SACM1L: variants seen among roughly 807,000 people sequenced by gnomAD.
SACM1L encodes phosphatidylinositol-3-phosphatase SAC1.
SACM1L carries 32 observed loss-of-function variants against 89.5 expected under a neutral mutation model. That is an observed-to-expected ratio of 0.36 (90% CI 0.27 to 0.48). The LOEUF is 0.48. SACM1L is among the 20% of genes least tolerant of loss of function. The pLI, the probability that SACM1L is intolerant of heterozygous loss-of-function variation, is 0.99. For synonymous variants in SACM1L, 213 were observed against 232.8 expected, an observed-to-expected ratio of 0.92 and a Z score of 0.77; for missense variants, 543 against 708.5, an observed-to-expected ratio of 0.77 and a Z score of 2.65.
intron 1 of SACM1L, among the ~76,000 whole-genome samples, chr3:45,693,564 T>G (rs1257084678): frequency 6.6e-6 from 1 of 152,206 alleles, no homozygotes; most frequent in Non-Finnish European, 1.5e-5. Context: ...TAATTGCCCT[T>G]GGCCACAAAG....
chr3:45,736,727 A>C (rs1284657312), intron 14 of SACM1L, among the ~76,000 whole-genome samples: 1 of 152,192 alleles, frequency 6.6e-6, no homozygotes, highest in African/African-American at 2.4e-5. Context: ...CATATTTTAC[A>C]ATTTTACATG....
intron 11 of SACM1L, among the ~76,000 whole-genome samples, chr3:45,729,503 C>G (rs933982502): frequency 6.6e-6 from 1 of 152,160 alleles, no homozygotes; most frequent in Non-Finnish European, 1.5e-5. Context: ...AATGAACTAC[C>G]TCAGGTTTTG....
intron 19 of SACM1L, among the ~76,000 whole-genome samples, chr3:45,742,452 G>T (rs536985488): frequency 3.9e-5 from 6 of 152,164 alleles, no homozygotes; most frequent in Admixed American, 1.3e-4. Context: ...AGTTTCTTCC[G>T]TGGTGTGCTC....
rs189873502 is a variant in SACM1L, at chr3:45,705,294, G to A, written c.205+85G>A. 52 of 754,754 alleles carry A rather than the reference G, an allele frequency of 6.9e-5. No individual in the cohort carries two copies. In the African/African-American group the frequency reaches 8.0e-4, roughly 12 times the overall value. 46.8% of individuals were successfully genotyped at this position (754,754 alleles called of 1,614,324 possible). On this transcript the variant is annotated intron_variant, in intron 3 of 19. Coordinates refer to ENST00000389061, the MANE Select transcript of SACM1L (RefSeq NM_014016.5). ...AATATTAGAGTGAGTATACGATGAA[G>A]TAATACTTTGTATCATGCTTTAAGC...
At chr3:45,719,275 C>T (rs1238035963) in intron 7 of SACM1L, among the ~76,000 whole-genome samples, 1 of 152,022 alleles carries the variant, frequency 6.6e-6, no homozygotes, top group African/African-American at 2.4e-5. Flanking sequence ...ATAAAAACAC[C>T]ATAGTGAACT....
chr3:45,732,668 T>G (rs1421454043), intron 13 of SACM1L, among the ~76,000 whole-genome samples: 2 of 152,238 alleles, frequency 1.3e-5, no homozygotes, highest in Non-Finnish European at 2.9e-5. Context: ...TCTGTTAAAT[T>G]TATTTCTTTA....
At chr3:45,725,369 C>T (rs1470179005) in intron 11 of SACM1L, among the ~76,000 whole-genome samples, 2 of 151,982 alleles carry the variant, frequency 1.3e-5, no homozygotes, top group Non-Finnish European at 2.9e-5. Context: ...CAATATTTTG[C>T]AGTTTTCAGT....
chr3:45,693,795 A>G (rs1698059745), intron 1 of SACM1L, among the ~76,000 whole-genome samples: 1 of 152,230 alleles, frequency 6.6e-6, no homozygotes, highest in Admixed American at 6.5e-5. Context: ...AATGTGGAAA[A>G]CAGAATATTG....
At chr3:45,729,463 T>G (rs762953614) in intron 11 of SACM1L, among the ~76,000 whole-genome samples, 3 of 152,198 alleles carry the variant, frequency 2.0e-5, no homozygotes, top group Admixed American at 6.5e-5. Flanking sequence ...GGACTCCCTT[T>G]AGCATTTCTT....
intron 2 of SACM1L, 62 bp from the exon 3 acceptor site, chr3:45,705,073 A>G (rs767108962): frequency 2.8e-6 from 3 of 1,089,710 alleles, no homozygotes; most frequent in African/African-American, 1.6e-5. Flanking sequence ...ATCGAACTAA[A>G]TTTCTGTTTC....
At position 45,697,269 on chromosome 3, in the gene SACM1L, C is replaced by CTTTTTTTTTTTTTTT. The variant is rs869095037; in HGVS notation, c.33-6158_33-6144dup. Among the ~76,000 whole-genome samples the CTTTTTTTTTTTTTTT allele has an allele frequency of 9.8e-5, 9 of 92,090 alleles. 1 individual carries two copies. The highest frequency in any genetic ancestry group is 2.6e-4 in the African/African-American group (6 of 22,992). 60.4% of individuals were successfully genotyped at this position (92,090 alleles called of 152,430 possible). ...CCTGCTTTGTTTTTCTTTTCTTTTC[C>CTTTTTTTTTTTTTTT]TTTTTTTTTTTTTTTTTTTTTTTTT... On this transcript the variant is annotated intron_variant, in intron 1 of 19. Transcript: ENST00000389061.
chr3:45,692,764 A>G (rs531522846), intron 1 of SACM1L, among the ~76,000 whole-genome samples: 1 of 152,356 alleles, frequency 6.6e-6, no homozygotes, highest in East Asian at 1.9e-4. Flanking sequence ...CCAAATGTTT[A>G]CATGATTTAT....
At chr3:45,706,304 A>G (rs1298669674) in intron 3 of SACM1L, among the ~76,000 whole-genome samples, 4 of 152,190 alleles carry the variant, frequency 2.6e-5, no homozygotes, top group Non-Finnish European at 5.9e-5. Context: ...TGCAGCAGCC[A>G]GTTAGGTATA....
At chr3:45,712,770 G>A (rs1698558064) in intron 5 of SACM1L, among the ~76,000 whole-genome samples, 1 of 151,974 alleles carries the variant, frequency 6.6e-6, no homozygotes, top group African/African-American at 2.4e-5. Context: ...AAAATGAGTG[G>A]CGAGGGCTAA....
chr3:45,718,827 A>C (rs1393034759), intron 7 of SACM1L, among the ~76,000 whole-genome samples: 1 of 152,176 alleles, frequency 6.6e-6, no homozygotes, highest in African/African-American at 2.4e-5. Context: ...ATGACTGTTT[A>C]TATTACTGAA....
At chr3:45,694,672 C>T (rs1559534198) in intron 1 of SACM1L, among the ~76,000 whole-genome samples, 1 of 152,190 alleles carries the variant, frequency 6.6e-6, no homozygotes, top group Non-Finnish European at 1.5e-5. Flanking sequence ...GAGTGAAAAT[C>T]TCTGGGGATG....
At position 45,724,298 on chromosome 3, in the gene SACM1L, GGTGT is replaced by G. The variant is rs61075879; in HGVS notation, c.921+788_921+791del. On this transcript the variant is annotated intron_variant, in intron 11 of 19. Transcript: ENST00000389061. The stretch of plus-strand genomic sequence containing the variant: ...TCCTTGCTGACAATTGTTGTTTTCT[GGTGT>G]GTGTGTGTGTGTGTGTGTGTGTGTG... 4.2e-3 allele frequency among the ~76,000 whole-genome samples: 581 copies of G among 139,812 alleles called. 3 individuals are homozygous for G. The highest frequency in any genetic ancestry group is 6.0e-3 in the Non-Finnish European group (390 of 65,038). The allele number at this position is 139,812 out of a possible 152,430, so 91.7% of individuals were successfully genotyped here.
intron 7 of SACM1L, among the ~76,000 whole-genome samples, chr3:45,719,044 G>A (rs1698729658): frequency 6.6e-6 from 1 of 152,066 alleles, no homozygotes; most frequent in African/African-American, 2.4e-5. Context: ...CTTACCAGCT[G>A]TTACATGGCT....
intron 19 of SACM1L, 60 bp from the exon 20 acceptor site, chr3:45,743,473 A>G: frequency 6.6e-7 from 1 of 1,511,336 alleles, no homozygotes; most frequent in Non-Finnish European, 8.9e-7. Flanking sequence ...TAAACAGCTG[A>G]AAACTGGGTC....
Sources: gnomAD v4.1 joint callset for allele counts (sites outside exome capture counted in the v4.1 genomes callset) on GRCh38, gnomAD v4.1.1 for gene constraint, MANE v1.5 for transcripts, NCBI Gene and HGNC (gene_info 2026-07-23, HGNC 2026-07-21) for gene names.